Variants in GLI4 observed in about 807,000 individuals in gnomAD.
GLI4 encodes GLI family zinc finger 4.
Under a neutral mutation model 30.9 loss-of-function variants are expected in GLI4, and 34 were observed. The ratio of observed to expected loss-of-function variants is 1.10; its 90% confidence interval spans 0.84 to 1.47. GLI4 has a LOEUF of 1.47. Among genes scored for constraint, GLI4 ranks in the 40% most tolerant of loss-of-function variants. GLI4 has a pLI of 0.00. For synonymous variants in GLI4, 277 were observed against 236.7 expected, an observed-to-expected ratio of 1.17 and a Z score of -1.56; for missense variants, 696 against 538.9, an observed-to-expected ratio of 1.29 and a Z score of -2.89.
intron 2 of GLI4, among the ~76,000 whole-genome samples, chr8:143,270,377 G>T (rs974949469): frequency 6.6e-6 from 1 of 152,238 alleles, no homozygotes; most frequent in African/African-American, 2.4e-5. Flanking sequence ...CAGGACCAGG[G>T]TGAGTTAGAG....
At chr8:143,271,447 C>A (rs1815266561) in intron 2 of GLI4, among the ~76,000 whole-genome samples, 1 of 152,216 alleles carries the variant, frequency 6.6e-6, no homozygotes, top group South Asian at 2.1e-4. Flanking sequence ...GGGGCTGTTT[C>A]TGGGCGTTTC....
At chr8:143,268,474 T>C (rs565558276) in intron 1 of GLI4, among the ~76,000 whole-genome samples, 3 of 152,354 alleles carry the variant, frequency 2.0e-5, no homozygotes, top group South Asian at 4.1e-4. Context: ...CCAGTGCTGC[T>C]GCAGGGCTGG....
chr8:143,275,138 C>A, intron 3 of GLI4: 1 of 1,535,650 alleles, frequency 6.5e-7, no homozygotes, highest in South Asian at 1.2e-5. Flanking sequence ...CAGGGCACCA[C>A]TGTCCCCCCA....
At position 143,269,602 on chromosome 8, in the gene GLI4, A is replaced by G. The variant is rs542050652; in HGVS notation, c.124+82A>G. 8 of 1,192,624 alleles carry G rather than the reference A, an allele frequency of 6.7e-6. No individual in the cohort carries two copies. The South Asian group carries it at 9.7e-5, about 14-fold the overall frequency. 73.9% of individuals were successfully genotyped at this position (1,192,624 alleles called of 1,614,324 possible). A position where few individuals can be genotyped will look rare whatever the true frequency, so the allele number is the denominator to read the frequency against. On this transcript the variant is annotated intron_variant, in intron 2 of 3. Transcript: ENST00000340042. ...CTGCCCTGTCTCCTCCTGACCTGCCACGCTGGCTGACTTGAGAGGCGCCTC... is the reference window on the plus strand; with the variant it reads ...CTGCCCTGTCTCCTCCTGACCTGCCGCGCTGGCTGACTTGAGAGGCGCCTC...
At chr8:143,275,361 G>T in intron 3 of GLI4, 1 of 1,408,310 alleles carries the variant, frequency 7.1e-7, no homozygotes, top group South Asian at 1.6e-5. Flanking sequence ...AGGTGTCTGA[G>T]GTCAGGTCCC....
chr8:143,272,096 G>A (rs1191967721), intron 2 of GLI4, among the ~76,000 whole-genome samples: 2 of 152,234 alleles, frequency 1.3e-5, no homozygotes, highest in Non-Finnish European at 2.9e-5. Context: ...TGCGAGTGGA[G>A]GGGCAGTCTG....
At chr8:143,271,210 C>T (rs568495678) in intron 2 of GLI4, among the ~76,000 whole-genome samples, 3 of 152,270 alleles carry the variant, frequency 2.0e-5, no homozygotes, top group Admixed American at 1.3e-4. Context: ...ATGAGCTGGG[C>T]CCTGAGAACA....
intron 2 of GLI4, among the ~76,000 whole-genome samples, 172 bp downstream of exon 2, chr8:143,269,692 G>A (rs528064303): frequency 2.0e-5 from 3 of 152,350 alleles, no homozygotes; most frequent in Admixed American, 2.0e-4. Flanking sequence ...GGGGCTCGGC[G>A]CGGGTTGGGT....
At chr8:143,270,343 G>C (rs2129667357) in intron 2 of GLI4, among the ~76,000 whole-genome samples, 1 of 152,352 alleles carries the variant, frequency 6.6e-6, no homozygotes, top group South Asian at 2.1e-4. Context: ...GGGACAGAGA[G>C]TCCGGGGGGC....
At chr8:143,275,707 T>G in intron 3 of GLI4, 190 bp from the exon 4 acceptor site, 1 of 1,236,458 alleles carries the variant, frequency 8.1e-7, no homozygotes, top group Non-Finnish European at 1.0e-6. Context: ...CACCCCTGTG[T>G]CTATGTCAGC....
At chr8:143,275,875 C>A in intron 3 of GLI4, 22 bp from the exon 4 acceptor site, 1 of 1,272,846 alleles carries the variant, frequency 7.9e-7, no homozygotes, top group Non-Finnish European at 9.9e-7. Context: ...GTACTATCCG[C>A]CTCTGCCGTT....
intron 1 of GLI4, chr8:143,267,934 C>A (rs531984881): frequency 1.0e-6 from 1 of 985,460 alleles, no homozygotes; most frequent in South Asian, 4.7e-5. Context: ...GATGCTTCCC[C>A]CGAGCCGCTG....
chr8:143,267,848 G>A, intron 1 of GLI4: 1 of 985,442 alleles, frequency 1.0e-6, no homozygotes, highest in African/African-American at 1.7e-5. Context: ...GCGCCGCACC[G>A]CCGGGCGGAC....
At chr8:143,267,992 C>T (rs1815176247) in intron 1 of GLI4, 1 of 985,442 alleles carries the variant, frequency 1.0e-6, no homozygotes, top group Non-Finnish European at 1.2e-6. Flanking sequence ...GTTTGTGCGT[C>T]CCTGGGGGTG....
At position 143,276,047 on chromosome 8, in the gene GLI4, G is replaced by A. The variant is rs1329519894; in HGVS notation, c.374G>A (p.Arg125Gln). 1.5e-6 allele frequency: 2 copies of A among 1,365,528 alleles called. No individual in the cohort carries two copies. Among genetic ancestry groups the A allele is most frequent in the Admixed American group, 3.6e-5 (1 of 27,850 alleles). The allele number at this position is 1,365,528 out of a possible 1,614,324, so 84.6% of individuals were successfully genotyped here. ...AGFGPESSAE[R>Q]PAGQPPGAVP... ...TTCGGGCCTGAATCCAGCGCGGAGC[G>A]GCCGGCGGGCCAGCCGCCTGGGGCC... Residue 125 changes from arginine (R) to glutamine (Q), a missense_variant, in exon 4 of 4, where the codon CGG (arginine) becomes CAG (glutamine). Transcript: ENST00000340042.
rs775542996 is a variant in GLI4 at position 143,275,953 on chromosome 8, G to C, written c.280G>C (p.Glu94Gln). Residue 94 changes from glutamate to glutamine, a missense_variant, in exon 4 of 4, where the codon GAG becomes CAG. Transcript: ENST00000340042. ...CTCTCCTGGCTCTCAGGCCCCTGAC[G>C]AGGGGGCGGGCGGGGCGCTGCGCAG... is the stretch of plus-strand genomic sequence containing the variant. ...PRSPGSQAPD[E>Q]GAGGALRSLL... is the part of the protein sequence containing the mutation. 3 of 1,330,476 alleles carry C rather than the reference G, an allele frequency of 2.3e-6. No individual in the cohort carries two copies. Among genetic ancestry groups the C allele is most frequent in the Non-Finnish European group, 2.9e-6 (3 of 1,041,438 alleles). 82.4% of individuals were successfully genotyped at this position (1,330,476 alleles called of 1,614,324 possible).
rs1815387098 is a variant in GLI4 at position 143,276,328 on chromosome 8, C to A, written c.655C>A (p.Arg219Ser). Residue 219 changes from arginine to serine, a missense_variant, in exon 4 of 4, where the codon CGC becomes AGC. Physicochemically the swap from Arg to Ser is moderately radical, Grantham distance 110 (BLOSUM62 -1). Transcript: ENST00000340042. ...KPYACHECGK[R>S]FRGWSGFIQH... ...CTACGCCTGCCACGAGTGCGGCAAG[C>A]GCTTCCGCGGCTGGTCGGGCTTCAT... 6.3e-7 allele frequency: 1 copy of A among 1,596,174 alleles called. No individual in the cohort carries two copies. The highest frequency in any genetic ancestry group is 8.5e-7 in the Non-Finnish European group (1 of 1,174,544).
At chr8:143,274,891 C>A in intron 3 of GLI4, 89 bp downstream of exon 3, 1 of 1,495,966 alleles carries the variant, frequency 6.7e-7, no homozygotes, top group South Asian at 1.3e-5. Context: ...ACCCCCAATG[C>A]TGGCACCACC....
At chr8:143,267,833 C>T (rs1815171594) in intron 1 of GLI4, 1 of 985,438 alleles carries the variant, frequency 1.0e-6, no homozygotes, top group Non-Finnish European at 1.2e-6. Context: ...AGCCGCCGGA[C>T]CCCAGCGCCG....
Sources: gnomAD v4.1 joint callset for allele counts (sites outside exome capture counted in the v4.1 genomes callset) on GRCh38, gnomAD v4.1.1 for gene constraint, MANE v1.5 for transcripts, NCBI Gene and HGNC (gene_info 2026-07-23, HGNC 2026-07-21) for gene names.